The following CACNA2D3 variants were observed in gnomAD, a reference collection of about 807,000 sequenced individuals.
CACNA2D3 encodes the protein calcium voltage-gated channel auxiliary subunit alpha2delta 3.
A neutral mutation model predicts 160.6 loss-of-function variants in CACNA2D3; 60 were observed. That is an observed-to-expected ratio of 0.37 (90% CI 0.30 to 0.46). The LOEUF is 0.46. Among genes scored for constraint, CACNA2D3 ranks in the 20% least tolerant of loss-of-function variants. The pLI is 1.00. For missense variants in CACNA2D3, 1,205 were observed against 1,365.0 expected (o/e 0.88, Z 1.85); for synonymous variants, 558 against 492.9 (o/e 1.13, Z -1.75).
chr3:54,528,784 G>C (rs1214992725), intron 5 of CACNA2D3, among the ~76,000 whole-genome samples: 1 of 152,148 alleles, frequency 6.6e-6, no homozygotes, highest in Non-Finnish European at 1.5e-5. Context: ...CCTTAAACAT[G>C]CAAATTCAGA....
chr3:54,331,121 C>T (rs768947636), intron 3 of CACNA2D3, among the ~76,000 whole-genome samples: 2 of 152,018 alleles, frequency 1.3e-5, no homozygotes, highest in Non-Finnish European at 2.9e-5. Flanking sequence ...AACCTCTGTC[C>T]CCCAGGCCAA....
At chr3:54,335,780 C>T (rs565493310) in intron 3 of CACNA2D3, among the ~76,000 whole-genome samples, 37 of 151,636 alleles carry the variant, frequency 2.4e-4, no homozygotes, top group South Asian at 8.3e-4. Context: ...CTGAGGCGGG[C>T]GGATCATGAG....
At chr3:54,229,541 C>G (rs1317517707) in intron 2 of CACNA2D3, among the ~76,000 whole-genome samples, 1 of 152,058 alleles carries the variant, frequency 6.6e-6, no homozygotes, top group Non-Finnish European at 1.5e-5. Context: ...TGCCATGTTG[C>G]CTAGGCTGGC....
intron 13 of CACNA2D3, among the ~76,000 whole-genome samples, chr3:54,766,962 G>C (rs1460878056): frequency 6.7e-6 from 1 of 148,904 alleles, no homozygotes; most frequent in Non-Finnish European, 1.5e-5. Context: ...GCAAAAACAA[G>C]AAACAGAATA....
In CACNA2D3 at chr3:54,478,903, C is replaced by A. The variant is rs191120332; in HGVS notation, c.382-24589C>A. Among the ~76,000 whole-genome samples, 978 of 150,918 alleles carry A rather than the reference C, an allele frequency of 6.5e-3. 9 individuals carry two copies. The highest frequency in any genetic ancestry group is 0.019 in the African/African-American group (797 of 41,062). The stretch of plus-strand genomic sequence containing the variant: ...TACTTATTGTTAATCTCTTACATTG[C>A]CTAATTTATAAATTAAACTTTATCA... On this transcript the variant is annotated intron_variant, in intron 4 of 37. Coordinates refer to ENST00000474759, the MANE Select transcript of CACNA2D3 (RefSeq NM_018398.3).
At chr3:54,426,398 C>T (rs1699913014) in intron 4 of CACNA2D3, among the ~76,000 whole-genome samples, 1 of 152,168 alleles carries the variant, frequency 6.6e-6, no homozygotes. Flanking sequence ...CCTTTCCACT[C>T]CTTTTAATGG....
intron 5 of CACNA2D3, among the ~76,000 whole-genome samples, chr3:54,538,522 G>A (rs780566795): frequency 2.0e-5 from 3 of 152,126 alleles, no homozygotes; most frequent in African/African-American, 4.8e-5. Context: ...TGGCCTTGTG[G>A]GCTGTAATGC....
intron 9 of CACNA2D3, among the ~76,000 whole-genome samples, chr3:54,604,460 A>G (rs1703121413): frequency 6.6e-6 from 1 of 151,970 alleles, no homozygotes; most frequent in South Asian, 2.1e-4. Flanking sequence ...TCGAAAACCA[A>G]ACTCTTGGCC....
At chr3:54,988,130 C>G (rs1407926481) in intron 31 of CACNA2D3, among the ~76,000 whole-genome samples, 4 of 152,132 alleles carry the variant, frequency 2.6e-5, no homozygotes, top group Admixed American at 2.6e-4. Flanking sequence ...CTGGGAAGCT[C>G]CCTAGAAATC....
intron 14 of CACNA2D3, among the ~76,000 whole-genome samples, chr3:54,821,759 C>T (rs557792341): frequency 6.7e-6 from 1 of 148,654 alleles, no homozygotes; most frequent in African/African-American, 2.5e-5. Flanking sequence ...CTTTCTCATT[C>T]CTTAGGTACA....
intron 4 of CACNA2D3, among the ~76,000 whole-genome samples, chr3:54,400,279 A>C (rs1699429242): frequency 6.6e-6 from 1 of 151,344 alleles, no homozygotes; most frequent in South Asian, 2.1e-4. Context: ...TCACGCTGGG[A>C]GCTGTAGACC....
chr3:54,653,582 G>A (rs1426038454), intron 11 of CACNA2D3, among the ~76,000 whole-genome samples: 2 of 152,210 alleles, frequency 1.3e-5, no homozygotes. Context: ...CAGCTGAAGG[G>A]AGAGTTGAGA....
intron 27 of CACNA2D3, among the ~76,000 whole-genome samples, chr3:54,951,677 A>C (rs1701761842): frequency 6.6e-6 from 1 of 152,186 alleles, no homozygotes; most frequent in African/African-American, 2.4e-5. Flanking sequence ...TGGCAACTGC[A>C]CAGCCCTGGT....
At chr3:54,514,500 G>A (rs1408355158) in intron 5 of CACNA2D3, among the ~76,000 whole-genome samples, 1 of 152,234 alleles carries the variant, frequency 6.6e-6, no homozygotes, top group Non-Finnish European at 1.5e-5. Flanking sequence ...CTGCATGGGT[G>A]TGAGGAGGTG....
intron 27 of CACNA2D3, among the ~76,000 whole-genome samples, chr3:54,965,109 A>G (rs1702118979): frequency 6.6e-6 from 1 of 152,196 alleles, no homozygotes; most frequent in Non-Finnish European, 1.5e-5. Flanking sequence ...GGGCCATGCA[A>G]TCTCAGTTAA....
intron 2 of CACNA2D3, among the ~76,000 whole-genome samples, chr3:54,222,050 G>A (rs1701584201): frequency 6.6e-6 from 1 of 152,094 alleles, no homozygotes; most frequent in Non-Finnish European, 1.5e-5. Flanking sequence ...TGAACCCACG[G>A]ATGCAGAACT....
intron 11 of CACNA2D3, among the ~76,000 whole-genome samples, chr3:54,687,993 C>T (rs188390261): frequency 5.9e-5 from 9 of 152,226 alleles, no homozygotes; most frequent in Non-Finnish European, 7.4e-5. Context: ...CTCTGTGAAT[C>T]TACTTGTCTT....
intron 5 of CACNA2D3, among the ~76,000 whole-genome samples, chr3:54,541,999 G>A (rs1701988012): frequency 6.6e-6 from 1 of 151,466 alleles, no homozygotes; most frequent in East Asian, 1.9e-4. Context: ...GTATTAGTCA[G>A]GGTTCTCTAG....
chr3:54,634,917 G>A lies in CACNA2D3; in HGVS notation c.1053+7041G>A, dbSNP rs538208889. On this transcript the variant is annotated intron_variant, in intron 10 of 37. Transcript: ENST00000474759. ...CACAGGGGATGCAATGGCTTGGCTT[G>A]GGCTCAGAGGCCTGACATTCCTGCC... 2.6e-5 allele frequency among the ~76,000 whole-genome samples: 4 copies of A among 152,120 alleles called. No individual in the cohort carries two copies. In the South Asian group the frequency reaches 8.3e-4, roughly 32 times the overall value.
Sources: gnomAD v4.1 joint callset for allele counts (sites outside exome capture counted in the v4.1 genomes callset) on GRCh38, gnomAD v4.1.1 for gene constraint, MANE v1.5 for transcripts, NCBI Gene and HGNC (gene_info 2026-07-23, HGNC 2026-07-21) for gene names.